CDK14: variants seen among roughly 807,000 people sequenced by gnomAD.
CDK14 encodes cyclin-dependent kinase 14.
CDK14 carries 34 observed loss-of-function variants against 60.7 expected under a neutral mutation model. The ratio of observed to expected loss-of-function variants is 0.56; its 90% confidence interval spans 0.43 to 0.75. The LOEUF (loss-of-function observed/expected upper bound fraction) is 0.75. Ranked by LOEUF, CDK14 falls within the 30% of genes least tolerant of loss-of-function variation. The pLI is 0.00. For missense variants in CDK14, 482 were observed against 564.1 expected (o/e 0.85, Z 1.47); for synonymous variants, 197 against 203.7 (o/e 0.97, Z 0.28).
At chr7:91,002,505 T>C (rs896492829) in intron 10 of CDK14, among the ~76,000 whole-genome samples, 4 of 152,246 alleles carry the variant, frequency 2.6e-5, no homozygotes, top group Non-Finnish European at 4.4e-5. Context: ...AGCAGTTTTT[T>C]CCATAACTCC....
chr7:90,721,523 G>A (rs994040003), intron 2 of CDK14, among the ~76,000 whole-genome samples: 1 of 152,092 alleles, frequency 6.6e-6, no homozygotes, highest in African/African-American at 2.4e-5. Flanking sequence ...TGTCCTTCTA[G>A]CACGATCCCT....
At chr7:90,647,242 A>G (rs954627987) in intron 2 of CDK14, among the ~76,000 whole-genome samples, 1 of 152,188 alleles carries the variant, frequency 6.6e-6, no homozygotes, top group Admixed American at 6.5e-5. Context: ...TTAGTGTGTT[A>G]GGAACCTTGA....
chr7:91,102,828 T>C (rs1371901764), intron 12 of CDK14, among the ~76,000 whole-genome samples: 1 of 152,150 alleles, frequency 6.6e-6, no homozygotes, highest in Non-Finnish European at 1.5e-5. Context: ...TGCTCAAAAA[T>C]GACTGCCTAC....
intron 4 of CDK14, 113 bp downstream of exon 4, chr7:90,747,888 T>G: frequency 1.3e-5 from 4 of 305,644 alleles, no homozygotes; most frequent in Non-Finnish European, 1.1e-5. Flanking sequence ...TTTTCCTCCC[T>G]CACGGTATCC....
Position 90,924,494 on chromosome 7 carries a change from C to T in CDK14, c.826+6770C>T, listed in dbSNP as rs143178404. 8.1e-4 allele frequency among the ~76,000 whole-genome samples: 123 copies of T among 152,352 alleles called. 2 individuals are homozygous for T. The highest frequency in any genetic ancestry group is 2.8e-3 in the African/African-American group (117 of 41,582). ...TATAGATCCTGGCCCATCTCTTTCT[C>T]TACCTTCTAAAAAGCTCATGTTAAA... On this transcript the variant is annotated intron_variant, in intron 8 of 14. Coordinates refer to ENST00000380050, the MANE Select transcript of CDK14 (RefSeq NM_001287135.2).
At chr7:91,154,801 C>A (rs1420293634) in intron 14 of CDK14, among the ~76,000 whole-genome samples, 1 of 152,006 alleles carries the variant, frequency 6.6e-6, no homozygotes, top group Non-Finnish European at 1.5e-5. Flanking sequence ...TGATGAGAGC[C>A]TGGGTCAAAT....
chr7:90,815,532 G>A (rs978856998), intron 5 of CDK14, among the ~76,000 whole-genome samples: 9 of 152,170 alleles, frequency 5.9e-5, no homozygotes, highest in African/African-American at 1.4e-4. Context: ...ACCTAGAACC[G>A]GAAATAACAT....
rs995766387 is a variant in CDK14, at chr7:90,772,669, G to T, written c.465-17904G>T. On this transcript the variant is annotated intron_variant, in intron 4 of 14. Transcript: ENST00000380050. Reference sequence around the variant, plus strand: ...CTGCCATGATTGTAAGTTTCTTGAGGCCTCCCCAACCGTGTTTCCTGAACA... The same window carrying T: ...CTGCCATGATTGTAAGTTTCTTGAGTCCTCCCCAACCGTGTTTCCTGAACA... Among the ~76,000 whole-genome samples the T allele has an allele frequency of 2.6e-5, 4 of 152,090 alleles. No individual in the cohort carries two copies. The East Asian group carries it at 7.7e-4, about 29-fold the overall frequency.
intron 8 of CDK14, among the ~76,000 whole-genome samples, chr7:90,946,694 A>G (rs1026786429): frequency 6.6e-6 from 1 of 152,216 alleles, no homozygotes; most frequent in Non-Finnish European, 1.5e-5. Flanking sequence ...CAGTCCGGGC[A>G]TTTCAGAAGA....
intron 14 of CDK14, among the ~76,000 whole-genome samples, chr7:91,164,119 G>C (rs1244178214): frequency 1.3e-5 from 2 of 152,086 alleles, no homozygotes. Context: ...TACTTACATA[G>C]CAGAACGTTG....
At chr7:90,719,617 A>T (rs1464544382) in intron 2 of CDK14, among the ~76,000 whole-genome samples, 1 of 152,208 alleles carries the variant, frequency 6.6e-6, no homozygotes, top group East Asian at 1.9e-4. Context: ...AGTTCCTGTT[A>T]ATAATGAGTA....
At chr7:90,758,361 G>A (rs1412330345) in intron 4 of CDK14, among the ~76,000 whole-genome samples, 2 of 151,830 alleles carry the variant, frequency 1.3e-5, no homozygotes, top group East Asian at 3.9e-4. Flanking sequence ...CTCTCTTCTG[G>A]TTTGGTTTTC....
chr7:90,948,297 G>C (rs1383259924), intron 8 of CDK14, among the ~76,000 whole-genome samples: 3 of 152,216 alleles, frequency 2.0e-5, no homozygotes, highest in African/African-American at 7.2e-5. Flanking sequence ...ATGTAAACCA[G>C]TGAACTGTGA....
intron 2 of CDK14, among the ~76,000 whole-genome samples, chr7:90,619,254 T>C (rs2116365266): frequency 6.6e-6 from 1 of 152,364 alleles, no homozygotes; most frequent in East Asian, 1.9e-4. Context: ...CTGTGTCTAC[T>C]GCACAATATT....
At position 91,209,302 on chromosome 7, in the gene CDK14, A is replaced by G. The variant is rs12534311; in HGVS notation, c.*2166A>G. On this transcript the variant is annotated 3_prime_UTR_variant, in exon 15 of 15. Transcript: ENST00000380050. The stretch of plus-strand genomic sequence containing the variant: ...ATAACATTACTCAGTGGACGGAGAA[A>G]TCTGTTTTGTTACAGAGACATGCCT... 143,539 of 152,278 alleles carry G rather than the reference A, an allele frequency of 0.94. 67,673 individuals carry two copies. The highest frequency in any genetic ancestry group is 0.96 in the African/African-American group (39,968 of 41,548). The allele number at this position is 152,278 out of a possible 1,614,324, so 9.4% of individuals were successfully genotyped here.
At chr7:91,088,132 C>A (rs1366004556) in intron 12 of CDK14, among the ~76,000 whole-genome samples, 1 of 152,050 alleles carries the variant, frequency 6.6e-6, no homozygotes, top group Non-Finnish European at 1.5e-5. Flanking sequence ...AGAGGTGAGA[C>A]TAAAAGTAAT....
At chr7:90,992,870 C>T (rs1188276232) in intron 10 of CDK14, among the ~76,000 whole-genome samples, 1 of 152,158 alleles carries the variant, frequency 6.6e-6, no homozygotes, top group Non-Finnish European at 1.5e-5. Flanking sequence ...ACAATTCAGG[C>T]ATTAGATTGA....
At position 91,071,240 on chromosome 7, in the gene CDK14, C is replaced by T. The variant is rs529244564; in HGVS notation, c.1106-8192C>T. Among the ~76,000 whole-genome samples, 301 of 152,284 alleles carry T rather than the reference C, an allele frequency of 2.0e-3. 1 individual carries two copies. Among genetic ancestry groups the T allele is most frequent in the African/African-American group, 6.9e-3 (286 of 41,572 alleles). ...CCAAAAGAAAAAGAATAATTTGGGG[C>T]AGGGCCAAGATGGCCGACTAGAAGC... On this transcript the variant is annotated intron_variant, in intron 11 of 14. Coordinates refer to ENST00000380050, the MANE Select transcript of CDK14 (RefSeq NM_001287135.2).
chr7:90,898,835 T>TA (rs1188548198), intron 6 of CDK14, among the ~76,000 whole-genome samples: 1 of 151,992 alleles, frequency 6.6e-6, no homozygotes, highest in Admixed American at 6.6e-5. Context: ...AATATGGACA[T>TA]AAAGATAAGT....
Sources: gnomAD v4.1 joint callset for allele counts (sites outside exome capture counted in the v4.1 genomes callset) on GRCh38, gnomAD v4.1.1 for gene constraint, MANE v1.5 for transcripts, NCBI Gene and HGNC (gene_info 2026-07-23, HGNC 2026-07-21) for gene names.